The following RBMS3 variants were observed in gnomAD, a reference collection of about 807,000 sequenced individuals.
RBMS3 encodes RNA-binding motif, single-stranded-interacting protein 3.
A neutral mutation model predicts 66.8 loss-of-function variants in RBMS3; 27 were observed. That is an observed-to-expected ratio of 0.40 (90% CI 0.30 to 0.56). RBMS3 has a LOEUF of 0.56. RBMS3 is among the 20% of genes least tolerant of loss of function. RBMS3 has a pLI of 0.40. For missense variants in RBMS3, 513 were observed against 549.5 expected, an observed-to-expected ratio of 0.93 and a Z score of 0.66; for synonymous variants, 188 against 183.0, an observed-to-expected ratio of 1.03 and a Z score of -0.22.
chr3:29,361,551 T>A (rs12634480), intron 1 of RBMS3, among the ~76,000 whole-genome samples: 34,039 of 152,084 alleles, frequency 0.22, 4,674 homozygotes, highest in Non-Finnish European at 0.3. Flanking sequence ...TTGAGGAGTA[T>A]CTTTGTGGCA....
At chr3:29,551,370 G>C (rs989693682) in intron 3 of RBMS3, among the ~76,000 whole-genome samples, 2 of 152,144 alleles carry the variant, frequency 1.3e-5, no homozygotes, top group African/African-American at 4.8e-5. Flanking sequence ...TTTGTCAAGA[G>C]AGTTATAATA....
At chr3:29,526,669 G>A (rs558643177) in intron 3 of RBMS3, among the ~76,000 whole-genome samples, 5 of 151,076 alleles carry the variant, frequency 3.3e-5, no homozygotes, top group Non-Finnish European at 5.9e-5. Flanking sequence ...GATGCCACTG[G>A]TGTAAAATTT....
At chr3:29,620,376 C>A (rs2048824308) in intron 4 of RBMS3, among the ~76,000 whole-genome samples, 1 of 152,024 alleles carries the variant, frequency 6.6e-6, no homozygotes, top group African/African-American at 2.4e-5. Flanking sequence ...TTTGAGTCTT[C>A]ACTTTAGCCC....
intron 6 of RBMS3, among the ~76,000 whole-genome samples, chr3:29,775,995 C>T (rs1270128895): frequency 6.6e-6 from 1 of 151,806 alleles, no homozygotes; most frequent in Non-Finnish European, 1.5e-5. Flanking sequence ...CTGAATGAAT[C>T]CATGTAATAG....
chr3:29,516,319 G>A (rs1056022386), intron 3 of RBMS3, among the ~76,000 whole-genome samples: 3 of 152,180 alleles, frequency 2.0e-5, no homozygotes, highest in African/African-American at 4.8e-5. Context: ...ATATAAACAG[G>A]CCTAGAGGTC....
intron 11 of RBMS3, among the ~76,000 whole-genome samples, chr3:29,943,451 T>A (rs1194585680): frequency 1.3e-5 from 2 of 151,834 alleles, no homozygotes; most frequent in Non-Finnish European, 2.9e-5. Flanking sequence ...AAGCTCTTTT[T>A]TCATCTTTAA....
chr3:29,332,554 G>A (rs749147379), intron 1 of RBMS3, among the ~76,000 whole-genome samples: 2 of 152,098 alleles, frequency 1.3e-5, no homozygotes, highest in Admixed American at 6.6e-5. Context: ...TGATTGTTCC[G>A]GAAGCTATTA....
chr3:29,300,441 C>T (rs534513669), intron 1 of RBMS3, among the ~76,000 whole-genome samples: 83 of 151,944 alleles, frequency 5.5e-4, no homozygotes, highest in African/African-American at 2.0e-3. Flanking sequence ...AAATGAATGA[C>T]GTTTTATCTT....
At chr3:29,981,971 A>C (rs1018351283) in intron 12 of RBMS3, among the ~76,000 whole-genome samples, 1 of 151,730 alleles carries the variant, frequency 6.6e-6, no homozygotes, top group African/African-American at 2.4e-5. Flanking sequence ...CTCTTTTTCT[A>C]TTGTTTGGAA....
At chr3:29,702,475 A>G (rs2052656580) in intron 4 of RBMS3, among the ~76,000 whole-genome samples, 1 of 152,092 alleles carries the variant, frequency 6.6e-6, no homozygotes. Flanking sequence ...GGCAGTGGCA[A>G]CCCGCCGGGG....
intron 1 of RBMS3, among the ~76,000 whole-genome samples, chr3:29,323,726 A>ACACACC (rs71091051): frequency 0.011 from 1,597 of 140,632 alleles, 22 homozygotes; most frequent in African/African-American, 0.028. Context: ...ACACACACAC[A>ACACACC]CCCCTTGGAC....
intron 1 of RBMS3, among the ~76,000 whole-genome samples, chr3:29,430,483 C>T (rs1304784848): frequency 6.6e-6 from 1 of 152,184 alleles, no homozygotes; most frequent in Non-Finnish European, 1.5e-5. Context: ...ATCCTCATCC[C>T]AACTTCGGTT....
At chr3:29,352,378 A>G (rs1278675350) in intron 1 of RBMS3, among the ~76,000 whole-genome samples, 1 of 152,038 alleles carries the variant, frequency 6.6e-6, no homozygotes. Flanking sequence ...AAAATATTTT[A>G]TGGTATGTGG....
chr3:29,845,200 C>T (rs1046292792), intron 6 of RBMS3, among the ~76,000 whole-genome samples: 4 of 152,142 alleles, frequency 2.6e-5, no homozygotes, highest in African/African-American at 9.7e-5. Context: ...TCATAAAATA[C>T]CTCAGTAAAT....
intron 4 of RBMS3, among the ~76,000 whole-genome samples, chr3:29,624,911 C>T (rs960332649): frequency 6.6e-6 from 1 of 151,798 alleles, no homozygotes; most frequent in African/African-American, 2.4e-5. Context: ...TCTCTGTGTC[C>T]CCACCCAAAT....
intron 4 of RBMS3, among the ~76,000 whole-genome samples, chr3:29,684,486 G>T (rs73052458): frequency 0.035 from 5,270 of 152,138 alleles, 126 homozygotes; most frequent in Non-Finnish European, 0.048. Context: ...ACCAACTGTG[G>T]TGGTAAAAAA....
chr3:29,685,576 C>G (rs1168331190), intron 4 of RBMS3, among the ~76,000 whole-genome samples: 3 of 152,112 alleles, frequency 2.0e-5, no homozygotes, highest in East Asian at 3.9e-4. Context: ...TTCCTCCTTC[C>G]CTCAGGTGTG....
At chr3:29,755,329 A>G (rs2055362318) in intron 5 of RBMS3, among the ~76,000 whole-genome samples, 2 of 152,198 alleles carry the variant, frequency 1.3e-5, no homozygotes, top group Admixed American at 6.5e-5. Flanking sequence ...GATGGAGTAT[A>G]AGGCAAACTT....
intron 4 of RBMS3, among the ~76,000 whole-genome samples, chr3:29,623,895 A>T (rs2048965833): frequency 6.6e-6 from 1 of 152,242 alleles, no homozygotes; most frequent in Non-Finnish European, 1.5e-5. Context: ...AAGCAAAAGA[A>T]TTTTTAAATA....
Sources: allele counts gnomAD v4.1 joint callset (sites outside exome capture counted in the v4.1 genomes callset), GRCh38; gene constraint gnomAD v4.1.1; transcripts MANE v1.5; gene names NCBI Gene and HGNC (gene_info 2026-07-23, HGNC 2026-07-21).